ERC2: variants seen among roughly 807,000 people sequenced by gnomAD.
ERC2 encodes ELKS/RAB6-interacting/CAST family member 2, also known as ERC protein 2.
In ERC2, 42 loss-of-function variants were observed where a neutral mutation model predicts 114.8. The observed-to-expected ratio is 0.37, with a 90% CI of 0.29 to 0.47. The LOEUF (loss-of-function observed/expected upper bound fraction) is 0.47, where lower values mean the gene tolerates loss of function less well. Ranked by LOEUF, ERC2 falls within the 20% of genes least tolerant of loss-of-function variation. ERC2 has a pLI of 0.99. For missense variants in ERC2, 939 were observed against 1,150.7 expected (o/e 0.82, Z 2.66); for synonymous variants, 454 against 425.5 (o/e 1.07, Z -0.82).
At chr3:56,151,396 T>C (rs2081404945) in intron 4 of ERC2, among the ~76,000 whole-genome samples, 1 of 152,016 alleles carries the variant, frequency 6.6e-6, no homozygotes, top group South Asian at 2.1e-4. Context: ...AACAAGTCAG[T>C]TTCAAGGGCA....
chr3:55,647,398 T>C (rs779292105), intron 17 of ERC2, among the ~76,000 whole-genome samples: 24 of 152,184 alleles, frequency 1.6e-4, no homozygotes, highest in Admixed American at 7.2e-4. Context: ...GCTGTTCGTA[T>C]AAATGTGAAC....
chr3:56,440,660 T>C (rs1187962541), intron 1 of ERC2, among the ~76,000 whole-genome samples: 1 of 152,056 alleles, frequency 6.6e-6, no homozygotes, highest in Non-Finnish European at 1.5e-5. Context: ...AGTTCAAAAC[T>C]AGCCAGTATG....
intron 14 of ERC2, among the ~76,000 whole-genome samples, chr3:55,793,998 G>C (rs866431905): frequency 6.6e-6 from 1 of 152,234 alleles, no homozygotes; most frequent in South Asian, 2.1e-4. Context: ...TTTAAAATAA[G>C]CATTAAAAGC....
In ERC2 at chr3:56,244,931, C is replaced by T. The variant is rs377206844; in HGVS notation, c.1074+51088G>A. 9.2e-5 allele frequency among the ~76,000 whole-genome samples: 14 copies of T among 152,132 alleles called. No homozygotes were observed. The East Asian group carries it at 1.2e-3, about 13-fold the overall frequency. The stretch of plus-strand genomic sequence containing the variant: ...CCACATTTTTGCTGTACCTTTTCTA[C>T]GTTTAGATATGTTTACAGATACCAT... On this transcript the variant is annotated intron_variant, in intron 3 of 17. Coordinates refer to ENST00000288221, the MANE Select transcript of ERC2 (RefSeq NM_015576.3).
At chr3:56,273,053 C>A (rs1225161285) in intron 3 of ERC2, among the ~76,000 whole-genome samples, 2 of 152,174 alleles carry the variant, frequency 1.3e-5, no homozygotes, top group African/African-American at 4.8e-5. Flanking sequence ...TGAGATTCTT[C>A]CATATATCCT....
intron 3 of ERC2, among the ~76,000 whole-genome samples, chr3:56,219,431 G>C (rs1431638961): frequency 1.3e-5 from 2 of 152,052 alleles, no homozygotes; most frequent in South Asian, 4.1e-4. Flanking sequence ...ATGTCTGTGG[G>C]CTACACACTG....
intron 6 of ERC2, among the ~76,000 whole-genome samples, chr3:56,129,493 C>T (rs142580681): frequency 6.6e-6 from 1 of 152,116 alleles, no homozygotes; most frequent in Non-Finnish European, 1.5e-5. Context: ...AATGTGAACT[C>T]GGGGGTCAGT....
chr3:56,092,163 A>G (rs559991578), intron 6 of ERC2, among the ~76,000 whole-genome samples: 3 of 152,286 alleles, frequency 2.0e-5, no homozygotes, highest in South Asian at 4.2e-4. Context: ...TGTGCTTATA[A>G]AAGTTAAGTT....
At chr3:56,002,524 C>T (rs533382904) in intron 10 of ERC2, among the ~76,000 whole-genome samples, 1 of 152,114 alleles carries the variant, frequency 6.6e-6, no homozygotes, top group Non-Finnish European at 1.5e-5. Flanking sequence ...TTACTAGTTA[C>T]CTTTTTGTAC....
chr3:56,160,866 T>C (rs2082006698), intron 4 of ERC2, among the ~76,000 whole-genome samples: 1 of 152,204 alleles, frequency 6.6e-6, no homozygotes, highest in Admixed American at 6.5e-5. Context: ...TACTATGCTG[T>C]TTTGTTTATT....
At chr3:55,948,911 C>T (rs989146353) in intron 13 of ERC2, among the ~76,000 whole-genome samples, 20 of 152,130 alleles carry the variant, frequency 1.3e-4, no homozygotes, top group African/African-American at 4.3e-4. Context: ...GTCATGAATG[C>T]TTATTTTGGG....
chr3:56,316,871 C>T (rs935378552), intron 2 of ERC2, among the ~76,000 whole-genome samples: 1 of 152,170 alleles, frequency 6.6e-6, no homozygotes, highest in African/African-American at 2.4e-5. Context: ...ACAAAGAATT[C>T]TTCCTTCGTT....
At chr3:56,226,388 T>C (rs1225874266) in intron 3 of ERC2, among the ~76,000 whole-genome samples, 1 of 152,118 alleles carries the variant, frequency 6.6e-6, no homozygotes, top group Admixed American at 6.6e-5. Flanking sequence ...TAACGTTCTG[T>C]AGTTGTACAA....
chr3:55,638,526 T>G (rs1197120780), intron 17 of ERC2, among the ~76,000 whole-genome samples: 1 of 152,190 alleles, frequency 6.6e-6, no homozygotes, highest in African/African-American at 2.4e-5. Context: ...TTGGAATTAT[T>G]ATTACCTTCA....
intron 7 of ERC2, among the ~76,000 whole-genome samples, chr3:56,073,427 C>T (rs1044360193): frequency 6.6e-6 from 1 of 152,126 alleles, no homozygotes; most frequent in Non-Finnish European, 1.5e-5. Context: ...GCTATAGCAA[C>T]CAAAAATATC....
At chr3:55,763,125 G>A (rs530667458) in intron 14 of ERC2, among the ~76,000 whole-genome samples, 2 of 152,326 alleles carry the variant, frequency 1.3e-5, no homozygotes, top group South Asian at 4.1e-4. Flanking sequence ...GCAGCCTGTA[G>A]GCAGATAGGA....
At chr3:56,328,359 A>T (rs1052840541) in intron 2 of ERC2, among the ~76,000 whole-genome samples, 4 of 152,150 alleles carry the variant, frequency 2.6e-5, no homozygotes, top group Non-Finnish European at 4.4e-5. Context: ...CAATTTTCTC[A>T]CTAGATGCAA....
chr3:56,381,214 A>G (rs1165463763), intron 2 of ERC2, among the ~76,000 whole-genome samples: 1 of 152,200 alleles, frequency 6.6e-6, no homozygotes, highest in Non-Finnish European at 1.5e-5. Context: ...TTCATTGTCA[A>G]TATTTTTAAA....
At chr3:56,240,690 G>T (rs980129571) in intron 3 of ERC2, among the ~76,000 whole-genome samples, 1 of 152,082 alleles carries the variant, frequency 6.6e-6, no homozygotes, top group African/African-American at 2.4e-5. Context: ...GCTTAAAAAT[G>T]AGTCATTTAA....
Sources: allele counts gnomAD v4.1 joint callset (sites outside exome capture counted in the v4.1 genomes callset), GRCh38; gene constraint gnomAD v4.1.1; transcripts MANE v1.5; gene names NCBI Gene and HGNC (gene_info 2026-07-23, HGNC 2026-07-21).